OPCML: variants seen among roughly 807,000 people sequenced by gnomAD.
OPCML encodes the protein opioid binding protein/cell adhesion molecule like.
In OPCML, 13 loss-of-function variants were observed where a neutral mutation model predicts 37.8. The ratio of observed to expected loss-of-function variants is 0.34; its 90% confidence interval spans 0.22 to 0.55. OPCML has a LOEUF of 0.55. Ranked by LOEUF, OPCML falls within the 20% of genes least tolerant of loss-of-function variation. OPCML has a pLI of 0.91. For missense variants in OPCML, 341 were observed against 435.6 expected (o/e 0.78, Z 1.93); for synonymous variants, 176 against 168.8 (o/e 1.04, Z -0.33).
At chr11:132,848,211 G>A (rs1178845631) in intron 2 of OPCML, among the ~76,000 whole-genome samples, 1 of 152,210 alleles carries the variant, frequency 6.6e-6, no homozygotes, top group Non-Finnish European at 1.5e-5. Flanking sequence ...GGTATCCCAT[G>A]AGAGCTTGTA....
At chr11:132,767,351 G>C (rs1565847288) in intron 2 of OPCML, among the ~76,000 whole-genome samples, 1 of 152,138 alleles carries the variant, frequency 6.6e-6, no homozygotes, top group African/African-American at 2.4e-5. Context: ...TTTTACACAT[G>C]AGTAAACTGA....
intron 2 of OPCML, among the ~76,000 whole-genome samples, chr11:132,712,753 G>T (rs1944319416): frequency 6.6e-6 from 1 of 152,220 alleles, no homozygotes; most frequent in Non-Finnish European, 1.5e-5. Flanking sequence ...CTCGCTTCTG[G>T]CAAGGTTTCC....
intron 1 of OPCML, among the ~76,000 whole-genome samples, chr11:133,520,886 G>A (rs945413961): frequency 6.6e-6 from 1 of 152,172 alleles, no homozygotes. Flanking sequence ...ACTTCCCAGT[G>A]TTCTCCATGG....
At chr11:133,201,583 G>C (rs112843879) in intron 1 of OPCML, among the ~76,000 whole-genome samples, 2,116 of 152,268 alleles carry the variant, frequency 0.014, 16 homozygotes, top group Non-Finnish European at 0.02. Context: ...AAGATGCGTT[G>C]TTCAGAAGAT....
At chr11:132,923,808 G>C (rs553740527) in intron 2 of OPCML, among the ~76,000 whole-genome samples, 63 of 128,160 alleles carry the variant, frequency 4.9e-4, no homozygotes, top group African/African-American at 1.9e-3. Flanking sequence ...TTGTTGCCCA[G>C]GCTGGAGTGC....
At chr11:132,726,240 C>T (rs1944879326) in intron 2 of OPCML, among the ~76,000 whole-genome samples, 3 of 152,184 alleles carry the variant, frequency 2.0e-5, no homozygotes, top group Admixed American at 2.0e-4. Flanking sequence ...TACAGTTCCA[C>T]ATGGCTGGGG....
chr11:133,276,275 G>C lies in OPCML; in HGVS notation c.61+255989C>G, dbSNP rs185921741. On this transcript the variant is annotated intron_variant, in intron 1 of 7. Coordinates refer to ENST00000524381, the MANE Select transcript of OPCML (RefSeq NM_001012393.5). ...TTACAGGTAGAAGTAAGGAATCGTG[G>C]AAGAGATTGAAGATTTACAAGTGGG... 1.3e-3 allele frequency among the ~76,000 whole-genome samples: 195 copies of C among 152,250 alleles called. 1 individual carries two copies. Among genetic ancestry groups the C allele is most frequent in the African/African-American group, 4.5e-3 (187 of 41,562 alleles).
intron 1 of OPCML, among the ~76,000 whole-genome samples, chr11:133,218,056 A>AAC (rs10684933): frequency 6.6e-6 from 1 of 151,232 alleles, no homozygotes; most frequent in African/African-American, 2.4e-5. Context: ...AAAAAAAAAA[A>AAC]CCCAAGCAAA....
chr11:132,523,953 T>C (rs1438804106), intron 4 of OPCML, among the ~76,000 whole-genome samples: 4 of 152,104 alleles, frequency 2.6e-5, no homozygotes, highest in African/African-American at 9.7e-5. Context: ...AGGTGAAGAG[T>C]TGTCATCTTA....
chr11:133,355,466 G>T (rs1944262799), intron 1 of OPCML, among the ~76,000 whole-genome samples: 2 of 152,192 alleles, frequency 1.3e-5, no homozygotes, highest in Non-Finnish European at 2.9e-5. Flanking sequence ...GACCACAAAT[G>T]AGAGTTACAG....
intron 1 of OPCML, among the ~76,000 whole-genome samples, chr11:133,474,317 G>A (rs7479582): frequency 0.031 from 4,676 of 152,222 alleles, 184 homozygotes; most frequent in East Asian, 0.092. Context: ...AACACACATT[G>A]TAAAAATCCC....
At chr11:133,049,491 G>A (rs1048234949) in intron 1 of OPCML, among the ~76,000 whole-genome samples, 6 of 152,114 alleles carry the variant, frequency 3.9e-5, no homozygotes, top group African/African-American at 1.2e-4. Context: ...TAGTGTCTTC[G>A]TCTGTAAAAT....
At chr11:133,463,818 C>A (rs1219313031) in intron 1 of OPCML, among the ~76,000 whole-genome samples, 1 of 152,094 alleles carries the variant, frequency 6.6e-6, no homozygotes, top group Non-Finnish European at 1.5e-5. Flanking sequence ...AATGCTGACT[C>A]TTAAAATTAT....
chr11:133,221,648 G>A (rs1379052374), intron 1 of OPCML, among the ~76,000 whole-genome samples: 1 of 152,174 alleles, frequency 6.6e-6, no homozygotes, highest in Admixed American at 6.5e-5. Context: ...GGGGTGCACG[G>A]GGAGGAGGTT....
intron 1 of OPCML, chr11:133,005,452 G>A (rs1947090948): frequency 7.1e-6 from 7 of 985,190 alleles, no homozygotes; most frequent in African/African-American, 1.7e-5. Flanking sequence ...CTACTCCACA[G>A]CTCTTAGGTA....
In OPCML at chr11:132,561,987, C is replaced by A. The variant is rs926646772; in HGVS notation, c.380-32801G>T. Among the ~76,000 whole-genome samples, 76 of 152,276 alleles carry A rather than the reference C, an allele frequency of 5.0e-4. 1 individual carries two copies. Among genetic ancestry groups the A allele is most frequent in the African/African-American group, 1.8e-3 (73 of 41,542 alleles). On this transcript the variant is annotated intron_variant, in intron 3 of 7. Coordinates refer to ENST00000524381, the MANE Select transcript of OPCML (RefSeq NM_001012393.5). The stretch of plus-strand genomic sequence containing the variant: ...ACAAAAGAGCCATACTTGTATTAGA[C>A]CGAACTGAAGGCTTCCAGGGTTAAA...
At chr11:133,428,308 C>A (rs566346444) in intron 1 of OPCML, among the ~76,000 whole-genome samples, 19 of 152,094 alleles carry the variant, frequency 1.2e-4, no homozygotes, top group Non-Finnish European at 5.9e-5. Context: ...AAACCAGCAG[C>A]GTGAACAAGG....
intron 7 of OPCML, among the ~76,000 whole-genome samples, chr11:132,421,786 G>C (rs1001062544): frequency 2.0e-5 from 3 of 152,162 alleles, no homozygotes; most frequent in African/African-American, 7.2e-5. Flanking sequence ...TTGATGGAAA[G>C]TAGCCTGACT....
rs148604845 is a variant in OPCML at position 133,423,987 on chromosome 11, G to A, written c.61+108277C>T. On this transcript the variant is annotated intron_variant, in intron 1 of 7. Transcript: ENST00000524381. ...AGCAGATGCCAACACCATGCTTCTCGTACATCCTGTATAACCATGAGCTAA... is the reference window on the plus strand; with the variant it reads ...AGCAGATGCCAACACCATGCTTCTCATACATCCTGTATAACCATGAGCTAA... Among the ~76,000 whole-genome samples the A allele has an allele frequency of 3.6e-3, 549 of 152,212 alleles. 2 individuals are homozygous for A. Among genetic ancestry groups the A allele is most frequent in the African/African-American group, 0.013 (528 of 41,516 alleles).
Sources: gnomAD v4.1 joint callset for allele counts (sites outside exome capture counted in the v4.1 genomes callset) on GRCh38, gnomAD v4.1.1 for gene constraint, MANE v1.5 for transcripts, NCBI Gene and HGNC (gene_info 2026-07-23, HGNC 2026-07-21) for gene names.